The following CALB1 variants were observed in gnomAD, a reference collection of about 807,000 sequenced individuals.
CALB1 encodes calbindin.
A neutral mutation model predicts 46.7 loss-of-function variants in CALB1; 16 were observed. The observed-to-expected ratio is 0.34, with a 90% CI of 0.23 to 0.52. The LOEUF is 0.52. Ranked by LOEUF, CALB1 falls within the 20% of genes least tolerant of loss-of-function variation. The probability of loss-of-function intolerance (pLI) is 0.95; values close to 1 mark genes in which losing one functional copy is unlikely to be tolerated. For synonymous variants in CALB1, 90 were observed against 112.8 expected (o/e 0.80, Z 1.28); for missense variants, 224 against 300.3 (o/e 0.75, Z 1.88).
intron 3 of CALB1, among the ~76,000 whole-genome samples, chr8:90,074,163 G>T (rs1814580708): frequency 6.6e-6 from 1 of 152,084 alleles, no homozygotes; most frequent in African/African-American, 2.4e-5. Context: ...TATAATAAGT[G>T]GGGGAAAAGG....
At position 90,082,783 on chromosome 8, in the gene CALB1, CG is replaced by C; in HGVS notation, c.-87del. On this transcript the variant is annotated 5_prime_UTR_variant, in exon 1 of 11. Coordinates refer to ENST00000265431, the MANE Select transcript of CALB1 (RefSeq NM_004929.4). ...GGAGTGAGCAAAAGCTCAGCGTGTG[CG>C]CGAGTCAGGGCTGCGGAGGGAGACC... 1 of 1,337,166 alleles carries C rather than the reference CG, an allele frequency of 7.5e-7. No individual in the cohort carries two copies. Among genetic ancestry groups the C allele is most frequent in the Non-Finnish European group, 1.1e-6 (1 of 929,496 alleles). 82.8% of individuals were successfully genotyped at this position (1,337,166 alleles called of 1,614,324 possible).
intron 2 of CALB1, chr8:90,081,617 G>C (rs1327008771): frequency 9.1e-6 from 2 of 218,854 alleles, no homozygotes; most frequent in Non-Finnish European, 1.6e-5. Flanking sequence ...TGGTAGAGGT[G>C]GTGATCCGCT....
intron 3 of CALB1, among the ~76,000 whole-genome samples, chr8:90,074,938 C>A (rs1262815589): frequency 6.6e-6 from 1 of 152,122 alleles, no homozygotes; most frequent in Non-Finnish European, 1.5e-5. Context: ...ATTAAGTCTT[C>A]CTTTTTAATT....
intron 2 of CALB1, chr8:90,081,424 A>G (rs1814729837): frequency 1.0e-6 from 1 of 959,320 alleles, no homozygotes; most frequent in African/African-American, 1.8e-5. Flanking sequence ...ACCCTTAGTG[A>G]GGACAAGATG....
chr8:90,060,261 G>A lies in CALB1; in HGVS notation c.698C>T (p.Thr233Ile), dbSNP rs1814272057. 2 of 1,605,556 alleles carry A rather than the reference G, an allele frequency of 1.2e-6. No individual in the cohort carries two copies. ...KQDLDINNIT[T>I]YKKNIMALSD... ...CAAAGCCATTATGTTCTTCTTGTAT[G>A]TTGTAATATTATTAATATCCAGATC... Residue 233 changes from threonine (T) to isoleucine (I), a missense_variant, in exon 11 of 11, where the codon ACA becomes ATA. Thr to Ile is a moderately conservative substitution (Grantham distance 89). Coordinates refer to ENST00000265431, the MANE Select transcript of CALB1 (RefSeq NM_004929.4).
chr8:90,060,111 T>C lies in CALB1; in HGVS notation c.*62A>G. ...TAAAAGAAAATACAGCCTACTCCCTTATAGTGCACAGTTATTTTTTAGATA... is the reference window on the plus strand; with the variant it reads ...TAAAAGAAAATACAGCCTACTCCCTCATAGTGCACAGTTATTTTTTAGATA... On this transcript the variant is annotated 3_prime_UTR_variant, in exon 11 of 11. Transcript: ENST00000265431. The C allele has an allele frequency of 1.1e-6, 1 of 919,146 alleles. No homozygotes were observed. Among genetic ancestry groups the C allele is most frequent in the Non-Finnish European group, 1.8e-6 (1 of 546,948 alleles). The allele number at this position is 919,146 out of a possible 1,614,324, so 56.9% of individuals were successfully genotyped here.
In CALB1 at chr8:90,082,650, A is replaced by G. The variant is rs1814753523; in HGVS notation, c.48T>C (p.Phe16=). Residue 16 remains phenylalanine, a synonymous_variant, in exon 1 of 11, where the codon TTT becomes TTC. Transcript: ENST00000265431. ...CGTCGAAATGGAGCCAGATCTCGAAAAACTGTGAGGCTGTGATGAGGGATG... is the reference window on the plus strand; with the variant it reads ...CGTCGAAATGGAGCCAGATCTCGAAGAACTGTGAGGCTGTGATGAGGGATG... ...LQSSLITASQ[F]FEIWLHFDAD... is the part of the protein sequence containing the mutation. The G allele has an allele frequency of 6.2e-7, 1 of 1,614,058 alleles. No individual in the cohort carries two copies. The highest frequency in any genetic ancestry group is 8.5e-7 in the Non-Finnish European group (1 of 1,180,020).
At chr8:90,068,456 G>A (rs1247728265) in intron 5 of CALB1, among the ~76,000 whole-genome samples, 2 of 152,258 alleles carry the variant, frequency 1.3e-5, no homozygotes, top group East Asian at 1.9e-4. Context: ...AGGCCTTGGA[G>A]GCAGACAAGC....
chr8:90,073,396 G>C (rs1814568093), intron 3 of CALB1, among the ~76,000 whole-genome samples: 1 of 152,092 alleles, frequency 6.6e-6, no homozygotes, highest in Non-Finnish European at 1.5e-5. Context: ...TCAACATGGG[G>C]ATATAAAGGC....
rs957576139 is a variant in CALB1 at position 90,082,794 on chromosome 8, G to C, written c.-97C>G. The C allele has an allele frequency of 8.3e-7, 1 of 1,202,086 alleles. No homozygotes were observed. The highest frequency in any genetic ancestry group is 1.2e-6 in the Non-Finnish European group (1 of 807,534). 74.5% of individuals were successfully genotyped at this position (1,202,086 alleles called of 1,614,324 possible). ...AAGCTCAGCGTGTGCGCGAGTCAGG[G>C]CTGCGGAGGGAGACCTGGGCGCGGG... is the stretch of plus-strand genomic sequence containing the variant. On this transcript the variant is annotated 5_prime_UTR_variant, in exon 1 of 11. Transcript: ENST00000265431.
intron 3 of CALB1, among the ~76,000 whole-genome samples, chr8:90,077,798 G>T (rs1191354978): frequency 6.6e-6 from 1 of 152,188 alleles, no homozygotes; most frequent in African/African-American, 2.4e-5. Flanking sequence ...CATGAAATCT[G>T]TACCTATAAC....
chr8:90,062,465 A>G (rs1441601307), intron 9 of CALB1: 2 of 152,040 alleles, frequency 1.3e-5, no homozygotes, highest in Non-Finnish European at 2.9e-5. Flanking sequence ...TCCAAAATTT[A>G]TAAAGAACTC....
chr8:90,060,711 A>G lies in CALB1; in HGVS notation c.601-11T>C. The stretch of plus-strand genomic sequence containing the variant: ...GTATCCATTGCCGTCCTGGGGGAGG[A>G]GAAATAAAATAGTATACAACCAACT... On this transcript the variant is annotated splice_polypyrimidine_tract_variant and intron_variant, in intron 9 of 10. Transcript: ENST00000265431. 1 of 1,602,080 alleles carries G rather than the reference A, an allele frequency of 6.2e-7. No homozygotes were observed. Among genetic ancestry groups the G allele is most frequent in the Non-Finnish European group, 8.6e-7 (1 of 1,169,198 alleles).
At chr8:90,076,603 A>G (rs867951381) in intron 3 of CALB1, among the ~76,000 whole-genome samples, 3 of 151,916 alleles carry the variant, frequency 2.0e-5, no homozygotes, top group Non-Finnish European at 1.5e-5. Context: ...TTCAGACTTC[A>G]TCGCCTTCTC....
chr8:90,073,440 G>A (rs1438211014), intron 3 of CALB1, among the ~76,000 whole-genome samples: 2 of 152,136 alleles, frequency 1.3e-5, no homozygotes, highest in South Asian at 2.1e-4. Context: ...AGACATTCCT[G>A]AAGGGTCATC....
At chr8:90,068,213 G>A (rs1814435056) in intron 5 of CALB1, among the ~76,000 whole-genome samples, 1 of 152,142 alleles carries the variant, frequency 6.6e-6, no homozygotes, top group Non-Finnish European at 1.5e-5. Flanking sequence ...ATAAGCCTGA[G>A]AGGAAGGATT....
Position 90,060,695 on chromosome 8 carries a change from G to T in CALB1, c.606C>A (p.Gly202=), listed in dbSNP as rs552399639. 1.4e-4 allele frequency: 226 copies of T among 1,611,796 alleles called. 4 individuals are homozygous for T. The South Asian group carries it at 2.3e-3, about 16-fold the overall frequency. Residue 202 remains glycine, a synonymous_variant, in exon 10 of 11, where the codon GGC becomes GGA. Transcript: ENST00000265431. The part of the protein sequence containing the change: ...NKAFELYDQD[G]NGYIDENELD... ...GTTCATTTTCATCTATGTATCCATT[G>T]CCGTCCTGGGGGAGGAGAAATAAAA...
chr8:90,082,499 G>C, intron 1 of CALB1, 120 bp downstream of exon 1: 2 of 819,700 alleles, frequency 2.4e-6, no homozygotes, highest in South Asian at 1.5e-5. Context: ...TTAGGCAGAA[G>C]GGGGAAGAAG....
intron 6 of CALB1, 72 bp downstream of exon 6, chr8:90,065,826 C>A: frequency 1.1e-6 from 1 of 921,110 alleles, no homozygotes; most frequent in Non-Finnish European, 1.8e-6. Flanking sequence ...TCCTGTGTAG[C>A]CTTGGGAGTT....
Sources: gnomAD v4.1 joint callset for allele counts (sites outside exome capture counted in the v4.1 genomes callset) on GRCh38, gnomAD v4.1.1 for gene constraint, MANE v1.5 for transcripts, NCBI Gene and HGNC (gene_info 2026-07-23, HGNC 2026-07-21) for gene names.